The following WHRN variants were observed in gnomAD, a reference collection of about 807,000 sequenced individuals.
WHRN encodes whirlin, also known as CASK-interacting protein CIP98.
WHRN carries 41 observed loss-of-function variants against 68.3 expected under a neutral mutation model. The ratio of observed to expected loss-of-function variants is 0.60; its 90% confidence interval spans 0.47 to 0.78. WHRN has a LOEUF of 0.78. WHRN is among the 30% of genes least tolerant of loss of function. The pLI, the probability that WHRN is intolerant of heterozygous loss-of-function variation, is 0.00. For missense variants in WHRN, 1,243 were observed against 1,244.7 expected (o/e 1.00, Z 0.02); for synonymous variants, 560 against 561.3 (o/e 1.00, Z 0.03).
chr9:114,474,604 C>T (rs1003940994), intron 2 of WHRN, among the ~76,000 whole-genome samples: 4 of 152,194 alleles, frequency 2.6e-5, no homozygotes, highest in African/African-American at 7.2e-5. Context: ...TCCACTGCCA[C>T]ATGTCCAAAC....
intron 1 of WHRN, among the ~76,000 whole-genome samples, chr9:114,480,998 C>T (rs1217464782): frequency 6.6e-6 from 1 of 152,108 alleles, no homozygotes; most frequent in Non-Finnish European, 1.5e-5. Flanking sequence ...ACAATGAGGT[C>T]ACATTGCTTT....
chr9:114,487,051 C>A (rs1476455860), intron 1 of WHRN, among the ~76,000 whole-genome samples: 7 of 25,430 alleles, frequency 2.8e-4, no homozygotes, highest in African/African-American at 6.1e-4. Context: ...GTAAGAGATA[C>A]CAAAAAAAAA....
intron 1 of WHRN, among the ~76,000 whole-genome samples, chr9:114,501,164 G>A (rs1221375063): frequency 6.6e-6 from 1 of 152,216 alleles, no homozygotes. Context: ...TCCCTGGTCT[G>A]TGGACTCTCT....
intron 9 of WHRN, 47 bp from the exon 10 acceptor site, chr9:114,404,124 C>G (rs1237438255): frequency 6.3e-7 from 1 of 1,588,084 alleles, no homozygotes; most frequent in East Asian, 2.3e-5. Flanking sequence ...TAGCTGGGGT[C>G]AGGGAGGGCT....
chr9:114,402,858 C>T lies in WHRN; in HGVS notation c.2620G>A (p.Gly874Ser), dbSNP rs142732176. ...CGGGCGGCCTCCCGGTGCTCCTTGC[C>T]CCGAAGCGTCAGCCCATTCACTTCC... ...ILEVNGLTLR[G>S]KEHREAARII... The change falls in exon 12 of 12, where the codon GGC becomes AGC. Residue 874 changes from glycine (G) to serine (S), a missense_variant. Transcript: ENST00000362057. 1.9e-6 allele frequency: 3 copies of T among 1,613,938 alleles called. No homozygotes were observed. Among genetic ancestry groups the T allele is most frequent in the African/African-American group, 2.7e-5 (2 of 74,934 alleles).
chr9:114,498,860 C>G lies in WHRN; in HGVS notation c.618+5324G>C, dbSNP rs139776469. On this transcript the variant is annotated intron_variant, in intron 1 of 11. Transcript: ENST00000362057. The stretch of plus-strand genomic sequence containing the variant: ...TGACCCTCCTCGCCTGCCTGCCTCC[C>G]CTGGGGAAGGTTAAAGGGAACAGGA... Among the ~76,000 whole-genome samples the G allele has an allele frequency of 4.6e-4, 70 of 152,254 alleles. No individual in the cohort carries two copies. In the East Asian group the frequency reaches 0.013, roughly 29 times the overall value.
intron 3 of WHRN, among the ~76,000 whole-genome samples, chr9:114,434,498 ACACAGCCC>A (rs1343293380): frequency 2.0e-5 from 3 of 151,826 alleles, no homozygotes; most frequent in Admixed American, 2.0e-4. Context: ...ACAAGCCTAA[ACACAGCCC>A]CAGATCAAAC....
rs1842421469 is a variant in WHRN, at chr9:114,485,665, C to T, written c.619-6894G>A. 2.0e-5 allele frequency among the ~76,000 whole-genome samples: 3 copies of T among 151,794 alleles called. No homozygotes were observed. In the South Asian group the frequency reaches 6.3e-4, roughly 32 times the overall value. ...CAAGATTGCACCACTGCACTACAGCCTGAGCTACAGAGCGAGACTCCGTCT... is the reference window on the plus strand; with the variant it reads ...CAAGATTGCACCACTGCACTACAGCTTGAGCTACAGAGCGAGACTCCGTCT... On this transcript the variant is annotated intron_variant, in intron 1 of 11. Transcript: ENST00000362057.
At chr9:114,403,440 A>C in intron 10 of WHRN, 101 bp from the exon 11 acceptor site, 32 of 1,507,632 alleles carry the variant, frequency 2.1e-5, no homozygotes, top group Non-Finnish European at 2.9e-5. Flanking sequence ...AGCAGAGCTC[A>C]GGCTCCAGCC....
rs200037348 is a variant in WHRN at position 114,406,559 on chromosome 9, C to T, written c.2032G>A (p.Gly678Ser). 5 of 1,611,954 alleles carry T rather than the reference C, an allele frequency of 3.1e-6. No homozygotes were observed. Among genetic ancestry groups the T allele is most frequent in the East Asian group, 4.5e-5 (2 of 44,848 alleles). ...GGTGACTGGACCCGTGGGAAGGGGC[C>T]GATGGGGTGTTGGTTGACCAGGGCC... ...HLALVNQHPI[G>S]PFPRVQSPPH... Residue 678 changes from glycine to serine, a missense_variant, in exon 9 of 12, where the codon GGC becomes AGC. Gly to Ser is a moderately conservative substitution (Grantham distance 56). Transcript: ENST00000362057.
intron 2 of WHRN, 135 bp downstream of exon 2, chr9:114,478,418 A>T: frequency 1.1e-6 from 1 of 942,910 alleles, no homozygotes; most frequent in Non-Finnish European, 1.7e-6. Context: ...ACCACCCTTC[A>T]GTACAGACTT....
chr9:114,428,859 C>T (rs1564143243), intron 3 of WHRN, among the ~76,000 whole-genome samples: 1 of 152,124 alleles, frequency 6.6e-6, no homozygotes, highest in African/African-American at 2.4e-5. Flanking sequence ...CTCCCTCCCA[C>T]GTGAGCGAGC....
intron 1 of WHRN, among the ~76,000 whole-genome samples, chr9:114,483,147 T>C (rs1233261034): frequency 6.6e-6 from 1 of 152,188 alleles, no homozygotes. Context: ...TTTCTGGGTG[T>C]TGGAGAGCAA....
chr9:114,409,124 T>C (rs968075995), intron 7 of WHRN, among the ~76,000 whole-genome samples: 1 of 152,208 alleles, frequency 6.6e-6, no homozygotes, highest in East Asian at 1.9e-4. Context: ...ACTGATTGCT[T>C]CTCTTTCTCT....
At chr9:114,503,741 C>T (rs1844137931) in intron 1 of WHRN, 1 of 202,276 alleles carries the variant, frequency 4.9e-6, no homozygotes, top group South Asian at 8.0e-5. Flanking sequence ...CACTGTGGAT[C>T]ACACAAACGG....
chr9:114,503,794 A>C, intron 1 of WHRN: 1 of 238,476 alleles, frequency 4.2e-6, no homozygotes, highest in Non-Finnish European at 8.2e-6. Context: ...GTTTCAGGGA[A>C]AAACAAAAAA....
intron 3 of WHRN, among the ~76,000 whole-genome samples, chr9:114,442,388 G>T (rs1031451848): frequency 1.3e-5 from 2 of 152,136 alleles, no homozygotes; most frequent in South Asian, 4.1e-4. Flanking sequence ...AAAAAATACT[G>T]AAGTATTTAG....
chr9:114,454,567 A>C (rs1173095950), intron 3 of WHRN, among the ~76,000 whole-genome samples: 1 of 152,228 alleles, frequency 6.6e-6, no homozygotes. Context: ...AACAAAAAAA[A>C]ACCTAAATAA....
intron 6 of WHRN, 106 bp downstream of exon 6, chr9:114,424,228 A>G (rs1264232445): frequency 7.6e-7 from 1 of 1,317,350 alleles, no homozygotes; most frequent in Non-Finnish European, 1.1e-6. Context: ...CCCAGTGTTC[A>G]GTTCAGGCCT....
Sources: allele counts gnomAD v4.1 joint callset (sites outside exome capture counted in the v4.1 genomes callset), GRCh38; gene constraint gnomAD v4.1.1; transcripts MANE v1.5; gene names NCBI Gene and HGNC (gene_info 2026-07-23, HGNC 2026-07-21).